Variants in WDR75 observed in about 807,000 individuals in gnomAD.
WDR75 encodes WD repeat-containing protein 75.
A neutral mutation model predicts 106.1 loss-of-function variants in WDR75; 52 were observed. That is an observed-to-expected ratio of 0.49 (90% CI 0.39 to 0.62). The LOEUF (loss-of-function observed/expected upper bound fraction) is 0.62, where lower values mean the gene tolerates loss of function less well. Among genes scored for constraint, WDR75 ranks in the 20% least tolerant of loss-of-function variants. WDR75 has a pLI of 0.00. For synonymous variants in WDR75, 333 were observed against 335.5 expected (o/e 0.99, Z 0.08); for missense variants, 905 against 970.3 (o/e 0.93, Z 0.89).
At chr2:189,449,741 G>T in intron 2 of WDR75, 1 of 986,590 alleles carries the variant, frequency 1.0e-6, no homozygotes, top group Non-Finnish European at 1.2e-6. Flanking sequence ...CCATATTTAT[G>T]ATTCTCATAT....
chr2:189,462,411 G>C (rs1329086182), intron 8 of WDR75, 73 bp from the exon 9 acceptor site: 1 of 1,542,782 alleles, frequency 6.5e-7, no homozygotes, highest in Non-Finnish European at 8.8e-7. Context: ...AAAAACAAAA[G>C]TGTTAATTAT....
In WDR75 at chr2:189,470,237, A is replaced by T. The variant is rs774933754; in HGVS notation, c.1981A>T (p.Lys661Ter). Residue 661 changes from lysine to a stop codon, truncating the protein, a stop_gained, in exon 17 of 21, where the codon AAA (lysine) becomes TAA (stop). Coordinates refer to ENST00000314761, the MANE Select transcript of WDR75 (RefSeq NM_032168.3). LOFTEE classifies it high-confidence loss of function. ...LNRSQFYFLTKSQSLLTFSTK... is the reference protein window; with the variant it reads ...LNRSQFYFLT ...TAGATCCCAGTTTTACTTCCTAACA[A>T]AATCACAGGTAACTGCCTCCCTCAA... 6.2e-7 allele frequency: 1 copy of T among 1,610,716 alleles called. No homozygotes were observed.
At chr2:189,474,838 ACT>A (rs1177585476) in intron 20 of WDR75, 30 bp downstream of exon 20, 2 of 1,556,690 alleles carry the variant, frequency 1.3e-6, no homozygotes, top group African/African-American at 2.7e-5. Context: ...AGGTTTGGAC[ACT>A]CTCTTTTGGG....
rs762831704 is a variant in WDR75 at position 189,466,598 on chromosome 2, T to C, written c.1447+16T>C. 10 of 1,595,708 alleles carry C rather than the reference T, an allele frequency of 6.3e-6. No homozygotes were observed. Among genetic ancestry groups the C allele is most frequent in the Admixed American group, 3.6e-5 (2 of 56,282 alleles). On this transcript the variant is annotated intron_variant, in intron 13 of 20. Coordinates refer to ENST00000314761, the MANE Select transcript of WDR75 (RefSeq NM_032168.3). ...GACATATACAGTAAGTTATTAAATA[T>C]GTTATGTTTAAAGTGTGCACAATTT...
chr2:189,473,128 A>T (rs1184379643), intron 18 of WDR75, among the ~76,000 whole-genome samples: 1 of 152,092 alleles, frequency 6.6e-6, no homozygotes, highest in Admixed American at 6.5e-5. Flanking sequence ...GAGGCAGGAG[A>T]ATCACTGGAA....
chr2:189,470,029 A>C (rs1252893143), intron 16 of WDR75, 47 bp from the exon 17 acceptor site: 1 of 1,569,292 alleles, frequency 6.4e-7, no homozygotes, highest in Admixed American at 1.7e-5. Context: ...GGCTAGAACT[A>C]ACCTTTTCAG....
At chr2:189,469,225 G>A in intron 15 of WDR75, 119 bp from the exon 16 acceptor site, 2 of 750,432 alleles carry the variant, frequency 2.7e-6, no homozygotes, top group South Asian at 3.0e-5. Context: ...TCATTTCAGT[G>A]TGTCTCCATG....
intron 12 of WDR75, 56 bp from the exon 13 acceptor site, chr2:189,466,369 T>A: frequency 6.3e-7 from 1 of 1,576,898 alleles, no homozygotes; most frequent in Non-Finnish European, 8.6e-7. Flanking sequence ...CAGAAATTCT[T>A]ATATACATCA....
At position 189,458,785 on chromosome 2, in the gene WDR75, A is replaced by G; in HGVS notation, c.602A>G (p.His201Arg). 1 of 1,601,780 alleles carries G rather than the reference A, an allele frequency of 6.2e-7. No individual in the cohort carries two copies. Residue 201 changes from histidine (H) to arginine (R), a missense_variant, in exon 7 of 21, where the codon CAT becomes CGT. Physicochemically the swap from His to Arg is conservative, Grantham distance 29. Transcript: ENST00000314761. Reference protein sequence around the residue: ...FTLSSSRNKKHAKNNFTCVAC... With the variant: ...FTLSSSRNKKRAKNNFTCVAC... ...TTATCATCATCAAGAAATAAGAAGC[A>G]TGCTAAAAACAATTTTACATGTGTA...
rs557268278 is a variant in WDR75, at chr2:189,461,087, A to G, written c.779-1397A>G. Among the ~76,000 whole-genome samples, 21 of 152,372 alleles carry G rather than the reference A, an allele frequency of 1.4e-4. No homozygotes were observed. The South Asian group carries it at 2.1e-3, about 15-fold the overall frequency. On this transcript the variant is annotated intron_variant, in intron 8 of 20. Coordinates refer to ENST00000314761, the MANE Select transcript of WDR75 (RefSeq NM_032168.3). ...AATTTTGTTTGTGTACATCACAACTACATACCTTTAGTCTTCTGTTTAGCT... is the reference window on the plus strand; with the variant it reads ...AATTTTGTTTGTGTACATCACAACTGCATACCTTTAGTCTTCTGTTTAGCT...
At chr2:189,470,306 A>G (rs1574204365) in intron 17 of WDR75, 61 bp downstream of exon 17, 11 of 1,522,972 alleles carry the variant, frequency 7.2e-6, no homozygotes, top group Non-Finnish European at 8.9e-6. Context: ...CTAATAGCCC[A>G]TGACTATTGG....
intron 5 of WDR75, among the ~76,000 whole-genome samples, chr2:189,456,254 T>C (rs569231297): frequency 1.7e-4 from 26 of 152,140 alleles, no homozygotes; most frequent in Non-Finnish European, 2.6e-4. Context: ...TGACAGGATA[T>C]AGAGCAAAGT....
At chr2:189,455,977 T>G (rs1686727564) in intron 5 of WDR75, among the ~76,000 whole-genome samples, 1 of 152,236 alleles carries the variant, frequency 6.6e-6, no homozygotes, top group Non-Finnish European at 1.5e-5. Context: ...ATACTGTGAT[T>G]TCTTCAGCCA....
chr2:189,451,957 C>A (rs1686631988), intron 4 of WDR75, 62 bp downstream of exon 4: 1 of 1,344,574 alleles, frequency 7.4e-7, no homozygotes, highest in East Asian at 2.3e-5. Flanking sequence ...TACAGTTCCT[C>A]AAAATTTAAC....
At chr2:189,455,274 G>A (rs746088144) in intron 4 of WDR75, 46 bp from the exon 5 acceptor site, 3 of 1,575,350 alleles carry the variant, frequency 1.9e-6, no homozygotes, top group African/African-American at 1.4e-5. Context: ...ACACATGTTT[G>A]CTCTCTCTAG....
chr2:189,445,975 C>CT (rs1212243828), intron 1 of WDR75, among the ~76,000 whole-genome samples: 2 of 152,030 alleles, frequency 1.3e-5, no homozygotes, highest in African/African-American at 4.8e-5. Context: ...GAGGATATTC[C>CT]TTTTTTCTGA....
rs772737884 is a variant in WDR75, at chr2:189,448,495, A to G, written c.203A>G (p.Asn68Ser). 1.2e-5 allele frequency: 19 copies of G among 1,613,820 alleles called. No individual in the cohort carries two copies. Among genetic ancestry groups the G allele is most frequent in the African/African-American group, 5.3e-5 (4 of 74,916 alleles). Reference sequence around the variant, plus strand: ...GTGACTGGAATCCAGCTTAACCCCAACAACCATCTACAGGTGTCAAACAGT... The same window carrying G: ...GTGACTGGAATCCAGCTTAACCCCAGCAACCATCTACAGGTGTCAAACAGT... The part of the protein sequence containing the change: ...NLVTGIQLNP[N>S]NHLQLYSCSL... The change falls in exon 2 of 21, where the codon AAC (asparagine) becomes AGC (serine). Residue 68 changes from asparagine (N) to serine (S), a missense_variant. Physicochemically the swap from Asn to Ser is conservative, Grantham distance 46. Coordinates refer to ENST00000314761, the MANE Select transcript of WDR75 (RefSeq NM_032168.3).
At chr2:189,449,277 T>G (rs1490872003) in intron 2 of WDR75, 8 of 1,303,734 alleles carry the variant, frequency 6.1e-6, no homozygotes, top group Non-Finnish European at 8.1e-6. Context: ...TGATTAAGGA[T>G]GGATTTGCAT....
At chr2:189,474,696 G>T in intron 19 of WDR75, 21 bp from the exon 20 acceptor site, 1 of 1,604,114 alleles carries the variant, frequency 6.2e-7, no homozygotes, top group Non-Finnish European at 8.5e-7. Flanking sequence ...AATTGCAACC[G>T]TGTTTTCTGT....
Sources: gnomAD v4.1 joint callset for allele counts (sites outside exome capture counted in the v4.1 genomes callset) on GRCh38, gnomAD v4.1.1 for gene constraint, MANE v1.5 for transcripts, NCBI Gene and HGNC (gene_info 2026-07-23, HGNC 2026-07-21) for gene names.